The following HSPA12A variants were observed in gnomAD, a reference collection of about 807,000 sequenced individuals.
HSPA12A encodes the protein heat shock 70 kDa protein 12A.
Under a neutral mutation model 69.2 loss-of-function variants are expected in HSPA12A, and 28 were observed. The observed-to-expected ratio is 0.40, with a 90% CI of 0.30 to 0.55. HSPA12A has a LOEUF of 0.55. Ranked by LOEUF, HSPA12A falls within the 20% of genes least tolerant of loss-of-function variation. The pLI is 0.38. For missense variants in HSPA12A, 686 were observed against 900.7 expected, an observed-to-expected ratio of 0.76 and a Z score of 3.05; for synonymous variants, 345 against 370.5, an observed-to-expected ratio of 0.93 and a Z score of 0.79.
At chr10:116,751,625 A>G (rs1422723514) in intron 2 of HSPA12A, among the ~76,000 whole-genome samples, 3 of 152,218 alleles carry the variant, frequency 2.0e-5, no homozygotes, top group Non-Finnish European at 2.9e-5. Context: ...TCCCAGGAAA[A>G]ACAGTAACAG....
At chr10:116,835,868 G>A (rs1845699877) in intron 1 of HSPA12A, among the ~76,000 whole-genome samples, 1 of 152,202 alleles carries the variant, frequency 6.6e-6, no homozygotes, top group Admixed American at 6.5e-5. Flanking sequence ...CAAGCCGGCG[G>A]TGTGTGGTGG....
upstream of HSPA12A, among the ~76,000 whole-genome samples, chr10:116,744,648 C>T (rs138476104): frequency 1.4e-3 from 211 of 152,364 alleles, no homozygotes; most frequent in African/African-American, 4.8e-3. Context: ...GATTTGCCCT[C>T]ACGGCCTTCA....
intron 1 of HSPA12A, among the ~76,000 whole-genome samples, chr10:116,840,384 T>C (rs931911848): frequency 2.0e-5 from 3 of 152,220 alleles, no homozygotes; most frequent in Non-Finnish European, 4.4e-5. Flanking sequence ...ATACATTTTA[T>C]TTATTTCAAA....
At chr10:116,702,102 C>T (rs1272546843) in intron 3 of HSPA12A, among the ~76,000 whole-genome samples, 2 of 147,200 alleles carry the variant, frequency 1.4e-5, no homozygotes, top group African/African-American at 5.0e-5. Flanking sequence ...CAGCAAGACC[C>T]TATCTCTAAA....
At chr10:116,677,857 T>C (rs1244359930) in intron 10 of HSPA12A, among the ~76,000 whole-genome samples, 1 of 152,202 alleles carries the variant, frequency 6.6e-6, no homozygotes, top group Non-Finnish European at 1.5e-5. Context: ...TCAATAAGGA[T>C]AGAATTGCCA....
rs782128836 is a variant in HSPA12A at position 116,679,513 on chromosome 10, G to A, written c.1276C>T (p.Arg426Trp). Residue 426 changes from arginine to tryptophan, a missense_variant, in exon 10 of 12, where the codon CGG becomes TGG. By Grantham distance (101) the Arg-to-Trp change is moderately radical (BLOSUM62 -3). Transcript: ENST00000369209. ...FRGHSVEHALRKSNVDFVKWS... is the reference protein window; with the variant it reads ...FRGHSVEHALWKSNVDFVKWS... ...ATGAGCCCAACTCACTTGCTTTTCC[G>A]CAAGGCGTGCTCCACACTGTGCCCG... 6 of 1,613,446 alleles carry A rather than the reference G, an allele frequency of 3.7e-6. No homozygotes were observed. The highest frequency in any genetic ancestry group is 2.2e-5 in the East Asian group (1 of 44,862).
intron 2 of HSPA12A, among the ~76,000 whole-genome samples, chr10:116,787,440 C>CAA (rs776783179): frequency 0.015 from 1,003 of 68,280 alleles, 35 homozygotes; most frequent in Admixed American, 0.1. Flanking sequence ...CTCTAGCCAG[C>CAA]AAAAAAAAAA....
At position 116,726,055 on chromosome 10, in the gene HSPA12A, A is replaced by ACACG. The variant is rs1554884972; in HGVS notation, c.40+16374_40+16375insCGTG. ...CACACACACACACACACACACACACAACAGGCCAAGCAGGACAAGGTGAAT... is the reference window on the plus strand; with the variant it reads ...CACACACACACACACACACACACACACACGACAGGCCAAGCAGGACAAGGTGAAT... On this transcript the variant is annotated intron_variant, in intron 1 of 11. Transcript: ENST00000369209. 4.4e-3 allele frequency among the ~76,000 whole-genome samples: 637 copies of ACACG among 143,400 alleles called. 11 individuals are homozygous for ACACG. Among genetic ancestry groups the ACACG allele is most frequent in the African/African-American group, 0.018 (616 of 34,576 alleles). 94.1% of individuals were successfully genotyped at this position (143,400 alleles called of 152,430 possible).
At chr10:116,793,428 A>G (rs542951618) in intron 2 of HSPA12A, among the ~76,000 whole-genome samples, 24 of 152,288 alleles carry the variant, frequency 1.6e-4, no homozygotes, top group African/African-American at 5.5e-4. Flanking sequence ...AGAATTAGCC[A>G]GGTATAGTGG....
At chr10:116,715,068 T>TAATCACAAGG (rs1188037222) in intron 1 of HSPA12A, among the ~76,000 whole-genome samples, 1 of 152,148 alleles carries the variant, frequency 6.6e-6, no homozygotes, top group African/African-American at 2.4e-5. Flanking sequence ...CTCCTAAAGA[T>TAATCACAAGG]AATCACAAGG....
At chr10:116,695,023 G>C (rs1166309364) in intron 5 of HSPA12A, among the ~76,000 whole-genome samples, 2 of 151,718 alleles carry the variant, frequency 1.3e-5, no homozygotes, top group Admixed American at 1.3e-4. Flanking sequence ...TCCCCTTACT[G>C]GTGGAATACT....
chr10:116,674,872 A>G lies in HSPA12A; in HGVS notation c.1937T>C (p.Met646Thr), dbSNP rs1554877317. The change falls in exon 12 of 12, where the codon ATG (methionine) becomes ACG (threonine). Residue 646 changes from methionine (M) to threonine (T), a missense_variant. By Grantham distance (81) the Met-to-Thr change is moderately conservative. Coordinates refer to ENST00000369209, the MANE Select transcript of HSPA12A (RefSeq NM_025015.3). The part of the protein sequence containing the change: ...VPARREIQTL[M>T]QFGDTEIKAT... ...TTTGATCTCGGTGTCCCCGAACTGCATAAGGGTCTGGATCTCCCTCCGGGC... is the reference window on the plus strand; with the variant it reads ...TTTGATCTCGGTGTCCCCGAACTGCGTAAGGGTCTGGATCTCCCTCCGGGC... 6.2e-7 allele frequency: 1 copy of G among 1,613,282 alleles called. No homozygotes were observed. The highest frequency in any genetic ancestry group is 1.7e-5 in the Admixed American group (1 of 59,976).
At chr10:116,789,550 G>A (rs141048791) in intron 2 of HSPA12A, among the ~76,000 whole-genome samples, 107 of 152,270 alleles carry the variant, frequency 7.0e-4, no homozygotes, top group Admixed American at 1.9e-3. Context: ...ATAATGCCCT[G>A]TTGGTGAACA....
chr10:116,756,702 T>C (rs1370514593), intron 2 of HSPA12A, among the ~76,000 whole-genome samples: 3 of 152,218 alleles, frequency 2.0e-5, no homozygotes, highest in African/African-American at 4.8e-5. Context: ...ATCTACATAG[T>C]GGGAGTTCAT....
At chr10:116,747,561 C>T (rs571579396), upstream of HSPA12A, among the ~76,000 whole-genome samples, 13 of 152,338 alleles carry the variant, frequency 8.5e-5, no homozygotes, top group Middle Eastern at 6.8e-3. Flanking sequence ...ACAAGGGCTG[C>T]AACTCACCAG....
chr10:116,766,947 G>C (rs1844091839), intron 2 of HSPA12A, among the ~76,000 whole-genome samples: 1 of 152,174 alleles, frequency 6.6e-6, no homozygotes, highest in African/African-American at 2.4e-5. Context: ...GATCCATCAG[G>C]CTGACAGCCA....
chr10:116,817,249 G>A (rs1320757328), intron 2 of HSPA12A, among the ~76,000 whole-genome samples: 1 of 151,838 alleles, frequency 6.6e-6, no homozygotes. Context: ...TCCACCCCTC[G>A]CTCTCTAGAA....
chr10:116,817,086 A>G (rs552901635), intron 2 of HSPA12A, among the ~76,000 whole-genome samples: 9 of 152,306 alleles, frequency 5.9e-5, no homozygotes, highest in African/African-American at 2.2e-4. Context: ...TCATTCTTGC[A>G]ACCTATACCC....
intron 1 of HSPA12A, among the ~76,000 whole-genome samples, chr10:116,707,704 A>G (rs143011713): frequency 2.6e-5 from 4 of 152,304 alleles, no homozygotes; most frequent in Non-Finnish European, 5.9e-5. Context: ...AAGAGCATCT[A>G]CAGCCCTCGG....
Sources: gnomAD v4.1 joint callset for allele counts (sites outside exome capture counted in the v4.1 genomes callset) on GRCh38, gnomAD v4.1.1 for gene constraint, MANE v1.5 for transcripts, NCBI Gene and HGNC (gene_info 2026-07-23, HGNC 2026-07-21) for gene names.